The following PARD3B variants were observed in gnomAD, a reference collection of about 807,000 sequenced individuals.
The protein encoded by PARD3B is partitioning defective 3 homolog B.
In PARD3B, 103 loss-of-function variants were observed where a neutral mutation model predicts 130.2. That is an observed-to-expected ratio of 0.79 (90% CI 0.67 to 0.93). The LOEUF (loss-of-function observed/expected upper bound fraction) is 0.93. Ranked by LOEUF, PARD3B falls within the 40% of genes least tolerant of loss-of-function variation. The pLI is 0.00. For synonymous variants in PARD3B, 583 were observed against 553.2 expected (o/e 1.05, Z -0.76); for missense variants, 1,609 against 1,499.2 (o/e 1.07, Z -1.21).
At chr2:204,803,144 GAAAA>G (rs67190837) in intron 2 of PARD3B, among the ~76,000 whole-genome samples, 4,960 of 119,990 alleles carry the variant, frequency 0.041, 184 homozygotes, top group East Asian at 0.15. Context: ...AGTGCTGAAG[GAAAA>G]AAAAAAAAAA....
chr2:205,046,129 G>A lies in PARD3B; in HGVS notation c.395-1452G>A, dbSNP rs1485219405. ...TCATTTCATGTTGCTGGTAATTGAGGGGCTTAATCTGAAAGGAACTTAGTC... is the reference window on the plus strand; with the variant it reads ...TCATTTCATGTTGCTGGTAATTGAGAGGCTTAATCTGAAAGGAACTTAGTC... On this transcript the variant is annotated intron_variant, in intron 3 of 22. Coordinates refer to ENST00000406610, the MANE Select transcript of PARD3B (RefSeq NM_001302769.2). Among the ~76,000 whole-genome samples the A allele has an allele frequency of 2.0e-5, 3 of 151,984 alleles. No individual in the cohort carries two copies. In the East Asian group the frequency reaches 5.8e-4, roughly 29 times the overall value.
chr2:205,574,743 T>A (rs1168689061), intron 22 of PARD3B, among the ~76,000 whole-genome samples: 1 of 151,450 alleles, frequency 6.6e-6, no homozygotes, highest in African/African-American at 2.4e-5. Flanking sequence ...ATTCCTGGGC[T>A]AAGATGCATG....
chr2:205,542,873 G>A (rs1396665566), intron 21 of PARD3B, among the ~76,000 whole-genome samples: 1 of 152,156 alleles, frequency 6.6e-6, no homozygotes, highest in Non-Finnish European at 1.5e-5. Flanking sequence ...AATATGAAAA[G>A]CCAGGACTGT....
intron 1 of PARD3B, among the ~76,000 whole-genome samples, chr2:204,619,952 A>G (rs2034240345): frequency 6.6e-6 from 1 of 152,198 alleles, no homozygotes; most frequent in Non-Finnish European, 1.5e-5. Flanking sequence ...CCATCTCCAC[A>G]TAGCCTTTCC....
chr2:204,684,564 C>T (rs2125240213), intron 1 of PARD3B, among the ~76,000 whole-genome samples: 1 of 152,210 alleles, frequency 6.6e-6, no homozygotes, highest in South Asian at 2.1e-4. Flanking sequence ...TGTCCAGTGG[C>T]CATTACATAG....
chr2:204,754,227 G>C (rs1254724534), intron 2 of PARD3B, among the ~76,000 whole-genome samples: 1 of 152,156 alleles, frequency 6.6e-6, no homozygotes, highest in African/African-American at 2.4e-5. Flanking sequence ...TGATTTGGTT[G>C]GTAGGGATGA....
At chr2:204,751,499 A>G (rs542773622) in intron 2 of PARD3B, among the ~76,000 whole-genome samples, 7 of 152,314 alleles carry the variant, frequency 4.6e-5, no homozygotes, top group East Asian at 1.9e-4. Context: ...GCCTATGGGC[A>G]TGAGGTGGTC....
At chr2:204,553,978 A>C (rs2030732521) in intron 1 of PARD3B, among the ~76,000 whole-genome samples, 1 of 151,938 alleles carries the variant, frequency 6.6e-6, no homozygotes, top group Non-Finnish European at 1.5e-5. Flanking sequence ...AAATCTCACA[A>C]ATCACCACTA....
At chr2:205,009,759 C>A (rs939135678) in intron 3 of PARD3B, among the ~76,000 whole-genome samples, 4 of 151,650 alleles carry the variant, frequency 2.6e-5, no homozygotes, top group African/African-American at 9.7e-5. Flanking sequence ...ATTGTAACAT[C>A]TTTTTTGTTC....
At position 205,421,707 on chromosome 2, in the gene PARD3B, C is replaced by T. The variant is rs1379873863; in HGVS notation, c.2742-18663C>T. Among the ~76,000 whole-genome samples the T allele has an allele frequency of 1.3e-5, 2 of 152,170 alleles. No homozygotes were observed. The highest frequency in any genetic ancestry group is 4.8e-5 in the African/African-American group (2 of 41,450). On this transcript the variant is annotated intron_variant, in intron 19 of 22. Transcript: ENST00000406610. This position sits in a 1 kb window ranked among gnomAD's most constrained non-coding sequence, Gnocchi z 5.1. ...TCATAAAACAACATAAATTTATTCT[C>T]TTAACGTTTTGGAGGCCATAATTCT...
intron 2 of PARD3B, among the ~76,000 whole-genome samples, chr2:204,860,709 C>T (rs1012387003): frequency 1.3e-5 from 2 of 152,158 alleles, no homozygotes; most frequent in Non-Finnish European, 2.9e-5. Context: ...CTTTAGAGAT[C>T]ATCTAAACCA....
intron 1 of PARD3B, among the ~76,000 whole-genome samples, chr2:204,629,968 T>G (rs1369802385): frequency 6.6e-6 from 1 of 152,180 alleles, no homozygotes; most frequent in Non-Finnish European, 1.5e-5. Flanking sequence ...GTAAGATATC[T>G]CCAAACCTGA....
At chr2:205,476,081 A>G (rs540723709) in intron 20 of PARD3B, among the ~76,000 whole-genome samples, 53 of 152,314 alleles carry the variant, frequency 3.5e-4, no homozygotes, top group African/African-American at 1.2e-3. Context: ...AGATTTATTA[A>G]ATGCTCTAGG....
At chr2:205,239,072 G>A (rs1016633100) in intron 15 of PARD3B, among the ~76,000 whole-genome samples, 1 of 150,966 alleles carries the variant, frequency 6.6e-6, no homozygotes, top group African/African-American at 2.4e-5. Flanking sequence ...ACATCAAGTT[G>A]TCTCATCCTA....
intron 18 of PARD3B, among the ~76,000 whole-genome samples, chr2:205,360,006 A>G (rs1408767891): frequency 6.6e-6 from 1 of 152,184 alleles, no homozygotes; most frequent in Admixed American, 6.5e-5. Context: ...CATAGTATTG[A>G]TATCTATTTC....
rs77701584 is a variant in PARD3B at position 204,583,828 on chromosome 2, T to C, written c.120+37709T>C. 8.2e-3 allele frequency among the ~76,000 whole-genome samples: 1,255 copies of C among 152,370 alleles called. 68 individuals carry two copies. In the East Asian group the frequency reaches 0.14, roughly 17 times the overall value. On this transcript the variant is annotated intron_variant, in intron 1 of 22. Transcript: ENST00000406610. ...TCTTTTCGTGTATTGATCAAACCTCTGTTTGAGAAGCAACCATGCAAACTT... is the reference window on the plus strand; with the variant it reads ...TCTTTTCGTGTATTGATCAAACCTCCGTTTGAGAAGCAACCATGCAAACTT...
intron 1 of PARD3B, among the ~76,000 whole-genome samples, chr2:204,626,050 A>AT (rs2034475785): frequency 6.6e-6 from 1 of 152,156 alleles, no homozygotes; most frequent in Admixed American, 6.6e-5. Flanking sequence ...CTCATCAGTC[A>AT]TTTTTTGGAA....
chr2:205,385,602 T>C (rs1038709948), intron 18 of PARD3B, among the ~76,000 whole-genome samples: 29 of 152,218 alleles, frequency 1.9e-4, no homozygotes, highest in African/African-American at 6.0e-4. Flanking sequence ...TGCTACCCAA[T>C]CTCTTTTACA....
intron 2 of PARD3B, among the ~76,000 whole-genome samples, chr2:204,750,652 A>T (rs2040430437): frequency 6.6e-6 from 1 of 152,066 alleles, no homozygotes; most frequent in Admixed American, 6.6e-5. Context: ...ATACATACAT[A>T]CATAAAAGGA....
Sources: allele counts gnomAD v4.1 joint callset (sites outside exome capture counted in the v4.1 genomes callset), GRCh38; gene constraint gnomAD v4.1.1; non-coding constraint Gnocchi (gnomAD v3.1); transcripts MANE v1.5; gene names NCBI Gene and HGNC (gene_info 2026-07-23, HGNC 2026-07-21).